The following MTHFS variants were observed in gnomAD, a reference collection of about 807,000 sequenced individuals.
MTHFS encodes the protein methenyltetrahydrofolate synthetase, also known as 5-formyltetrahydrofolate cyclo-ligase.
In MTHFS, 7 loss-of-function variants were observed where a neutral mutation model predicts 12.7. The ratio of observed to expected loss-of-function variants is 0.55; its 90% confidence interval spans 0.31 to 1.03. MTHFS has a LOEUF of 1.03. MTHFS is among the 50% of genes least tolerant of loss of function. The probability of loss-of-function intolerance (pLI) is 0.05; values close to 1 mark genes in which losing one functional copy is unlikely to be tolerated. For missense variants in MTHFS, 252 were observed against 258.1 expected (o/e 0.98, Z 0.16); for synonymous variants, 100 against 97.1 (o/e 1.03, Z -0.18).
At chr15:79,850,003 G>A (rs533611393) in intron 2 of MTHFS, among the ~76,000 whole-genome samples, 75 of 152,234 alleles carry the variant, frequency 4.9e-4, no homozygotes, top group Non-Finnish European at 8.7e-4. Flanking sequence ...GTGATTAGGG[G>A]CATGGGCCCT....
intron 2 of MTHFS, among the ~76,000 whole-genome samples, chr15:79,865,021 G>T (rs573275417): frequency 7.9e-5 from 12 of 152,266 alleles, no homozygotes; most frequent in African/African-American, 2.9e-4. Context: ...ATATTGTGAT[G>T]TGTTTTCTCT....
rs1345756441 is a variant in MTHFS at position 79,844,302 on chromosome 15, G to T, written c.*908C>A. ...TAGTCCAGCTTAGAAATGCTAAAAG[G>T]CTGGACAAAAGGAGTGACAGGAAAA... On this transcript the variant is annotated 3_prime_UTR_variant, in exon 3 of 3. Coordinates refer to ENST00000258874, the MANE Select transcript of MTHFS (RefSeq NM_006441.4). 3.9e-5 allele frequency: 6 copies of T among 152,200 alleles called. No homozygotes were observed. The highest frequency in any genetic ancestry group is 2.9e-5 in the Non-Finnish European group (2 of 68,034). The allele number at this position is 152,200 out of a possible 1,614,324, so 9.4% of individuals were successfully genotyped here.
At chr15:79,889,488 G>C (rs751661319) in intron 1 of MTHFS, 134 bp from the exon 2 acceptor site, 1 of 1,330,138 alleles carries the variant, frequency 7.5e-7, no homozygotes, top group Non-Finnish European at 1.0e-6. Context: ...GGGGGGACCA[G>C]AGTGATATAG....
intron 1 of MTHFS, among the ~76,000 whole-genome samples, chr15:79,893,539 A>C (rs898520487): frequency 6.6e-5 from 10 of 151,928 alleles, no homozygotes; most frequent in Non-Finnish European, 1.2e-4. Flanking sequence ...TCTACTAAAA[A>C]TACAAAAAAT....
intron 2 of MTHFS, among the ~76,000 whole-genome samples, chr15:79,883,030 C>T (rs1036831153): frequency 6.6e-6 from 1 of 152,148 alleles, no homozygotes; most frequent in Non-Finnish European, 1.5e-5. Context: ...ACAGAGTAGA[C>T]GTGTCTCTAC....
intron 2 of MTHFS, among the ~76,000 whole-genome samples, chr15:79,887,395 A>G (rs8041700): frequency 0.35 from 53,257 of 152,140 alleles, 9,478 homozygotes; most frequent in South Asian, 0.49. Flanking sequence ...AGTTCAAAGT[A>G]ACACACTTTA....
chr15:79,859,497 C>T (rs1180073144), intron 2 of MTHFS, among the ~76,000 whole-genome samples: 5 of 152,052 alleles, frequency 3.3e-5, no homozygotes, highest in South Asian at 2.1e-4. Context: ...TAAATGTGTT[C>T]GGACACCTGG....
At position 79,857,706 on chromosome 15, in the gene MTHFS, G is replaced by T. The variant is rs190069405; in HGVS notation, c.380-12264C>A. Among the ~76,000 whole-genome samples, 564 of 152,174 alleles carry T rather than the reference G, an allele frequency of 3.7e-3. 2 individuals are homozygous for T. The highest frequency in any genetic ancestry group is 0.014 in the Middle Eastern group (4 of 294). ...CTGCTTCAATAAGTCCTCTTCTGGTGGGGGAGAAACTTGCTCTTAAAACCC... is the reference window on the plus strand; with the variant it reads ...CTGCTTCAATAAGTCCTCTTCTGGTTGGGGAGAAACTTGCTCTTAAAACCC... On this transcript the variant is annotated intron_variant, in intron 2 of 2. Transcript: ENST00000258874.
chr15:79,854,452 C>T (rs972808688), intron 2 of MTHFS, among the ~76,000 whole-genome samples: 2 of 152,200 alleles, frequency 1.3e-5, no homozygotes, highest in Non-Finnish European at 2.9e-5. Flanking sequence ...TTCATTGCTG[C>T]CTGCTGATGT....
intron 2 of MTHFS, among the ~76,000 whole-genome samples, chr15:79,864,888 T>C (rs902665347): frequency 6.6e-6 from 1 of 152,208 alleles, no homozygotes; most frequent in Non-Finnish European, 1.5e-5. Context: ...CTTAGGCAGA[T>C]GGAATAGAGA....
chr15:79,892,111 C>T (rs1032625878), intron 1 of MTHFS, among the ~76,000 whole-genome samples: 6 of 151,760 alleles, frequency 4.0e-5, no homozygotes, highest in Non-Finnish European at 8.8e-5. Flanking sequence ...AAAACATTTC[C>T]TAATGTATAT....
intron 2 of MTHFS, among the ~76,000 whole-genome samples, chr15:79,879,529 T>C (rs1053641987): frequency 2.7e-4 from 41 of 152,066 alleles, no homozygotes; most frequent in African/African-American, 9.4e-4. Context: ...TTTATTTATC[T>C]TCTATATGCT....
At chr15:79,866,399 G>C (rs1203601810) in intron 2 of MTHFS, among the ~76,000 whole-genome samples, 1 of 152,192 alleles carries the variant, frequency 6.6e-6, no homozygotes, top group Non-Finnish European at 1.5e-5. Flanking sequence ...TTTGAAAACA[G>C]CAGTGAGAAA....
At chr15:79,883,806 T>A (rs1414341481) in intron 2 of MTHFS, among the ~76,000 whole-genome samples, 1 of 152,318 alleles carries the variant, frequency 6.6e-6, no homozygotes, top group Admixed American at 6.5e-5. Context: ...TCTGCCCAAG[T>A]GGTAAAGGCC....
At chr15:79,846,086 G>A (rs1177276507) in intron 2 of MTHFS, among the ~76,000 whole-genome samples, 1 of 152,222 alleles carries the variant, frequency 6.6e-6, no homozygotes, top group Non-Finnish European at 1.5e-5. Context: ...ACGAAGACCA[G>A]AACTGGCTAT....
chr15:79,896,812 T>C (rs765526557), intron 1 of MTHFS, 60 bp downstream of exon 1: 2 of 1,522,964 alleles, frequency 1.3e-6, no homozygotes, highest in South Asian at 2.4e-5. Context: ...CAGCAATCGC[T>C]GGCCGCCAGG....
chr15:79,886,123 T>C (rs1294123294), intron 2 of MTHFS, among the ~76,000 whole-genome samples: 1 of 152,242 alleles, frequency 6.6e-6, no homozygotes, highest in Non-Finnish European at 1.5e-5. Flanking sequence ...GCTTAGGAAC[T>C]TATAATTGCA....
At chr15:79,854,747 TG>T (rs2141345032) in intron 2 of MTHFS, among the ~76,000 whole-genome samples, 1 of 152,364 alleles carries the variant, frequency 6.6e-6, no homozygotes, top group South Asian at 2.1e-4. Flanking sequence ...TTCTTAAGTA[TG>T]TTTTTTATAT....
chr15:79,876,092 C>G (rs1457951781), intron 2 of MTHFS: 1 of 151,768 alleles, frequency 6.6e-6, no homozygotes, highest in Non-Finnish European at 1.5e-5. Context: ...ACAAACACTT[C>G]AAAAAGTAAA....
Sources: gnomAD v4.1 joint callset for allele counts (sites outside exome capture counted in the v4.1 genomes callset) on GRCh38, gnomAD v4.1.1 for gene constraint, MANE v1.5 for transcripts, NCBI Gene and HGNC (gene_info 2026-07-23, HGNC 2026-07-21) for gene names.